RIMS2: variants seen among roughly 807,000 people sequenced by gnomAD.
RIMS2 encodes the protein regulating synaptic membrane exocytosis 2.
A neutral mutation model predicts 174.4 loss-of-function variants in RIMS2; 59 were observed. The observed-to-expected ratio is 0.34, with a 90% CI of 0.27 to 0.42. The LOEUF is 0.42. Ranked by LOEUF, RIMS2 falls within the 10% of genes least tolerant of loss-of-function variation. The pLI is 1.00. For missense variants in RIMS2, 1,620 were observed against 1,666.3 expected, an observed-to-expected ratio of 0.97 and a Z score of 0.48; for synonymous variants, 606 against 572.5, an observed-to-expected ratio of 1.06 and a Z score of -0.84.
chr8:103,525,738 A>G (rs1201321066), intron 1 of RIMS2, among the ~76,000 whole-genome samples: 1 of 152,188 alleles, frequency 6.6e-6, no homozygotes, highest in Non-Finnish European at 1.5e-5. Flanking sequence ...TGAGCCCTTA[A>G]TATGTAATAG....
intron 19 of RIMS2, among the ~76,000 whole-genome samples, chr8:104,074,790 G>A (rs1189140385): frequency 6.6e-6 from 1 of 152,064 alleles, no homozygotes; most frequent in Non-Finnish European, 1.5e-5. Context: ...GACATTAAAG[G>A]TGACTGGTCC....
chr8:103,676,228 C>T (rs2096808908), intron 1 of RIMS2, among the ~76,000 whole-genome samples: 1 of 58,846 alleles, frequency 1.7e-5, no homozygotes, highest in Non-Finnish European at 3.1e-5. Context: ...AACTTTTTTG[C>T]AAAAGGGTTT....
At chr8:104,227,710 G>T (rs1364415010) in intron 19 of RIMS2, among the ~76,000 whole-genome samples, 1 of 152,014 alleles carries the variant, frequency 6.6e-6, no homozygotes, top group Non-Finnish European at 1.5e-5. Flanking sequence ...TGATGAATTT[G>T]GCCTGCCTGA....
At chr8:103,539,780 C>T (rs1841671696) in intron 1 of RIMS2, among the ~76,000 whole-genome samples, 1 of 152,220 alleles carries the variant, frequency 6.6e-6, no homozygotes, top group Non-Finnish European at 1.5e-5. Flanking sequence ...TGTGCCCTAA[C>T]CCCTGAGCTG....
intron 3 of RIMS2, among the ~76,000 whole-genome samples, chr8:103,804,019 T>G (rs1408177370): frequency 6.6e-6 from 1 of 152,174 alleles, no homozygotes; most frequent in Non-Finnish European, 1.5e-5. Context: ...CTATGGAAAC[T>G]GCAAGAAAAT....
intron 17 of RIMS2, 73 bp from the exon 20 acceptor site, chr8:104,013,360 TCAAAATCAG>T: frequency 8.9e-7 from 1 of 1,120,900 alleles, no homozygotes; most frequent in Admixed American, 2.5e-5. Flanking sequence ...ATTACCTTTT[TCAAAATCAG>T]TTTGATGCAT....
At chr8:103,741,977 C>T (rs2139372993) in intron 2 of RIMS2, among the ~76,000 whole-genome samples, 1 of 152,086 alleles carries the variant, frequency 6.6e-6, no homozygotes, top group Middle Eastern at 3.4e-3. Context: ...TGTATGAGTG[C>T]ACCCTGTTTA....
At chr8:104,122,935 G>A (rs1432997180) in intron 19 of RIMS2, among the ~76,000 whole-genome samples, 1 of 152,014 alleles carries the variant, frequency 6.6e-6, no homozygotes, top group African/African-American at 2.4e-5. Context: ...TGATTCTAAA[G>A]AAAGTTTTAT....
chr8:103,689,261 T>C (rs2096981470), intron 1 of RIMS2, among the ~76,000 whole-genome samples: 1 of 152,106 alleles, frequency 6.6e-6, no homozygotes, highest in Non-Finnish European at 1.5e-5. Context: ...TAAAGACTTG[T>C]TTTGTGGCCT....
At chr8:104,180,825 A>G (rs1461355715) in intron 19 of RIMS2, among the ~76,000 whole-genome samples, 1 of 151,796 alleles carries the variant, frequency 6.6e-6, no homozygotes, top group East Asian at 1.9e-4. Flanking sequence ...AGTAACTAGG[A>G]CAAGGGCAAA....
chr8:103,844,285 T>C (rs2098956479), intron 3 of RIMS2, among the ~76,000 whole-genome samples: 1 of 152,242 alleles, frequency 6.6e-6, no homozygotes, highest in Non-Finnish European at 1.5e-5. Flanking sequence ...TATAAGGTAA[T>C]ATCTATGAGA....
intron 19 of RIMS2, among the ~76,000 whole-genome samples, chr8:104,101,780 A>G (rs2097908015): frequency 6.6e-6 from 1 of 151,992 alleles, no homozygotes; most frequent in Admixed American, 6.5e-5. Flanking sequence ...TACATAACTG[A>G]AATTATGTAT....
At chr8:103,736,811 T>C (rs953006195) in intron 2 of RIMS2, among the ~76,000 whole-genome samples, 2 of 152,182 alleles carry the variant, frequency 1.3e-5, no homozygotes, top group Non-Finnish European at 2.9e-5. Flanking sequence ...GAAGAGTTTT[T>C]CTTTCTTACT....
intron 3 of RIMS2, among the ~76,000 whole-genome samples, chr8:103,865,164 A>C (rs2099078452): frequency 6.6e-6 from 1 of 151,720 alleles, no homozygotes. Context: ...TATCATAATT[A>C]TAAAAATAAA....
At chr8:103,530,972 T>A (rs1448471228) in intron 1 of RIMS2, among the ~76,000 whole-genome samples, 1 of 151,458 alleles carries the variant, frequency 6.6e-6, no homozygotes, top group Non-Finnish European at 1.5e-5. Context: ...TGTTATACTT[T>A]CATTAAAAGT....
At chr8:104,200,156 C>G (rs972789940) in intron 19 of RIMS2, among the ~76,000 whole-genome samples, 3 of 151,802 alleles carry the variant, frequency 2.0e-5, no homozygotes, top group African/African-American at 7.3e-5. Flanking sequence ...ACTAATGGAT[C>G]CAAATGAAGA....
At chr8:103,771,710 T>C (rs1329910196) in intron 3 of RIMS2, among the ~76,000 whole-genome samples, 1 of 152,156 alleles carries the variant, frequency 6.6e-6, no homozygotes, top group African/African-American at 2.4e-5. Context: ...TATTGTGTTG[T>C]ATTTTAAGCT....
intron 2 of RIMS2, among the ~76,000 whole-genome samples, chr8:103,715,022 A>T (rs1323428683): frequency 2.0e-5 from 3 of 152,190 alleles, no homozygotes; most frequent in Non-Finnish European, 4.4e-5. Context: ...AGTAATTATG[A>T]CCTAAAATAA....
chr8:103,714,055 C>A (rs1020737623), intron 2 of RIMS2, among the ~76,000 whole-genome samples: 3 of 152,164 alleles, frequency 2.0e-5, no homozygotes, highest in Non-Finnish European at 4.4e-5. Context: ...ATTAACCACT[C>A]ACTTTTTTGT....
Sources: allele counts gnomAD v4.1 joint callset (sites outside exome capture counted in the v4.1 genomes callset), GRCh38; gene constraint gnomAD v4.1.1; transcripts MANE v1.5; gene names NCBI Gene and HGNC (gene_info 2026-07-23, HGNC 2026-07-21).